Variants in CALHM2 observed in about 807,000 individuals in gnomAD.
The protein encoded by CALHM2 is calcium homeostasis modulator protein 2.
Under a neutral mutation model 20.4 loss-of-function variants are expected in CALHM2, and 18 were observed. The observed-to-expected ratio is 0.88, with a 90% CI of 0.61 to 1.31. The LOEUF (loss-of-function observed/expected upper bound fraction) is 1.31. Ranked by LOEUF, CALHM2 falls within the 50% of genes most tolerant of loss-of-function variation. The pLI, the probability that CALHM2 is intolerant of heterozygous loss-of-function variation, is 0.00. For synonymous variants in CALHM2, 193 were observed against 192.1 expected (o/e 1.00, Z -0.04); for missense variants, 411 against 435.7 (o/e 0.94, Z 0.50).
Position 103,449,530 on chromosome 10 carries a change from G to A in CALHM2, c.412C>T (p.Pro138Ser), listed in dbSNP as rs778010405. ...YVCALSEFVD[P>S]SSLTAREEHF... ...TCTTCCCTGGCCGTGAGTGAGGAAGGGTCCACGAACTCACTGAGAGCACAG... is the reference window on the plus strand; with the variant it reads ...TCTTCCCTGGCCGTGAGTGAGGAAGAGTCCACGAACTCACTGAGAGCACAG... The change falls in exon 3 of 4, where the codon CCT becomes TCT. Residue 138 changes from proline to serine, a missense_variant. Coordinates refer to ENST00000260743, the MANE Select transcript of CALHM2 (RefSeq NM_015916.5). 2 of 1,613,676 alleles carry A rather than the reference G, an allele frequency of 1.2e-6. No individual in the cohort carries two copies. The highest frequency in any genetic ancestry group is 1.7e-6 in the Non-Finnish European group (2 of 1,180,022).
Position 103,451,152 on chromosome 10 carries a change from G to A in CALHM2, c.-228C>T. On this transcript the variant is annotated 5_prime_UTR_variant, in exon 2 of 4. Transcript: ENST00000260743. ...GCAGCCGTGACCCCTCTCCTATCCA[G>A]CAGCCTCCCAGCAGCTCCGCTCCAC... The A allele has an allele frequency of 6.6e-6, 1 of 152,626 alleles. No homozygotes were observed. Among genetic ancestry groups the A allele is most frequent in the Non-Finnish European group, 1.5e-5 (1 of 68,296 alleles). The allele number at this position is 152,626 out of a possible 1,614,324, so 9.5% of individuals were successfully genotyped here. A position where few individuals can be genotyped will look rare whatever the true frequency, so the allele number is the denominator to read the frequency against.
At chr10:103,449,145 A>T in intron 3 of CALHM2, 1 of 520,694 alleles carries the variant, frequency 1.9e-6, no homozygotes, top group Non-Finnish European at 3.5e-6. Flanking sequence ...TTTAAAACTA[A>T]TTTGGTCATA....
chr10:103,447,548 G>A lies in CALHM2; in HGVS notation c.576C>T (p.Ile192=), dbSNP rs1485813514. 21 of 1,597,286 alleles carry A rather than the reference G, an allele frequency of 1.3e-5. No homozygotes were observed. In the East Asian group the frequency reaches 1.6e-4, roughly 12 times the overall value. The part of the protein sequence containing the change: ...YESQLFGWLL[I]GVVAILVFLT... ...GGAACACCAGGATGGCCACCACGCC[G>A]ATGAGCAGCCATCCAAAGAGCTGGC... The change falls in exon 4 of 4, where the codon ATC becomes ATT. Residue 192 remains isoleucine (I), a synonymous_variant. Coordinates refer to ENST00000260743, the MANE Select transcript of CALHM2 (RefSeq NM_015916.5).
chr10:103,447,155 G>A lies in CALHM2; in HGVS notation c.969C>T (p.Ser323=). The part of the protein sequence containing the change: ...PDNVEMALLP[S] ...AAAGAGCATGGGAAGCACCTCCTTA[G>A]GAGGGGAGCAGGGCCATCTCCACGT... The change falls in exon 4 of 4, where the codon TCC becomes TCT. Residue 323 remains serine (S), a synonymous_variant. Coordinates refer to ENST00000260743, the MANE Select transcript of CALHM2 (RefSeq NM_015916.5). 1 of 1,601,286 alleles carries A rather than the reference G, an allele frequency of 6.2e-7. No individual in the cohort carries two copies. The highest frequency in any genetic ancestry group is 8.5e-7 in the Non-Finnish European group (1 of 1,171,898).
rs2032891589 is a variant in CALHM2 at position 103,449,852 on chromosome 10, C to T, written c.90G>A (p.Leu30=). ...ACAGCTCCTGGCTGCCCACCGTGCC[C>T]AGTGCCACCAGGCCGTTGAAAATCA... is the stretch of plus-strand genomic sequence containing the variant. ...DVMIFNGLVA[L]GTVGSQELFS... The change falls in exon 3 of 4, where the codon CTG becomes CTA. Residue 30 remains leucine, a synonymous_variant. Coordinates refer to ENST00000260743, the MANE Select transcript of CALHM2 (RefSeq NM_015916.5). 1 of 1,613,308 alleles carries T rather than the reference C, an allele frequency of 6.2e-7. No individual in the cohort carries two copies.
At chr10:103,450,716 T>G (rs894433960) in intron 2 of CALHM2, 1 of 152,390 alleles carries the variant, frequency 6.6e-6, no homozygotes, top group Non-Finnish European at 1.5e-5. Flanking sequence ...GACCTCAGGG[T>G]CTGATCACAC....
intron 1 of CALHM2, chr10:103,451,706 G>A (rs11191691): frequency 6.6e-6 from 1 of 150,932 alleles, no homozygotes; most frequent in Non-Finnish European, 1.5e-5. Context: ...TCACAGCCTG[G>A]AGCTTCCAGC....
intron 3 of CALHM2, 133 bp downstream of exon 3, chr10:103,449,254 G>A (rs1484805685): frequency 1.3e-6 from 1 of 796,752 alleles, no homozygotes; most frequent in Non-Finnish European, 2.2e-6. Flanking sequence ...AACCAGCCCT[G>A]ATACCTAACG....
Position 103,446,996 on chromosome 10 carries a change from G to T in CALHM2, c.*156C>A. On this transcript the variant is annotated 3_prime_UTR_variant, in exon 4 of 4. Coordinates refer to ENST00000260743, the MANE Select transcript of CALHM2 (RefSeq NM_015916.5). ...TGGCTGGGGCTTCCATTGTCTACTG[G>T]GTCTGTCCACACCCCAGATTGCCTT... 1 of 734,002 alleles carries T rather than the reference G, an allele frequency of 1.4e-6. No homozygotes were observed. The highest frequency in any genetic ancestry group is 2.2e-6 in the Non-Finnish European group (1 of 463,542). 45.5% of individuals were successfully genotyped at this position (734,002 alleles called of 1,614,324 possible).
intron 2 of CALHM2, chr10:103,450,850 C>G (rs953842984): frequency 6.6e-6 from 1 of 152,168 alleles, no homozygotes; most frequent in Non-Finnish European, 1.5e-5. Flanking sequence ...TGATTGTGCT[C>G]TGCGTGAAAC....
rs753765100 is a variant in CALHM2 at position 103,447,511 on chromosome 10, G to A, written c.613C>T (p.Leu205Phe). 2.9e-5 allele frequency: 47 copies of A among 1,611,476 alleles called. No individual in the cohort carries two copies. The highest frequency in any genetic ancestry group is 3.6e-5 in the Non-Finnish European group (42 of 1,178,328). ...CTGAGTGGTGAGCAGTAATGCTTGA[G>A]GCACTTGGTCAGGAACACCAGGATG... ...VAILVFLTKCLKHYCSPLSYR... is the reference protein window; with the variant it reads ...VAILVFLTKCFKHYCSPLSYR... Residue 205 changes from leucine to phenylalanine, a missense_variant, in exon 4 of 4, where the codon CTC becomes TTC. Leu to Phe is a conservative substitution (Grantham distance 22, BLOSUM62 0). Coordinates refer to ENST00000260743, the MANE Select transcript of CALHM2 (RefSeq NM_015916.5).
rs780758381 is a variant in CALHM2 at position 103,447,388 on chromosome 10, T to G, written c.736A>C (p.Asn246His). Reference protein sequence around the residue: ...EVHSRVLAANNVRRFFGFVAL... With the variant: ...EVHSRVLAANHVRRFFGFVAL... The stretch of plus-strand genomic sequence containing the variant: ...ACAAAGCCAAAGAAGCGGCGCACAT[T>G]GTTGGCAGCGAGCACCCGAGAGTGC... The change falls in exon 4 of 4, where the codon AAT becomes CAT. Residue 246 changes from asparagine (N) to histidine (H), a missense_variant. Asn to His is a moderately conservative substitution (Grantham distance 68, BLOSUM62 1). Transcript: ENST00000260743. The G allele has an allele frequency of 6.2e-7, 1 of 1,614,070 alleles. No homozygotes were observed. The highest frequency in any genetic ancestry group is 8.5e-7 in the Non-Finnish European group (1 of 1,179,904).
chr10:103,448,409 A>G lies in CALHM2; in HGVS notation c.556-841T>C, dbSNP rs1335904138. ...TGATCCACCCGCCTTGGCCTCCCAA[A>G]GTGCTGAGATTACAGGTGTGAGCCA... is the stretch of plus-strand genomic sequence containing the variant. On this transcript the variant is annotated intron_variant, in intron 3 of 3. Coordinates refer to ENST00000260743, the MANE Select transcript of CALHM2 (RefSeq NM_015916.5). 4.0e-5 allele frequency among the ~76,000 whole-genome samples: 6 copies of G among 151,690 alleles called. No individual in the cohort carries two copies. The East Asian group carries it at 7.8e-4, about 20-fold the overall frequency.
At position 103,447,444 on chromosome 10, in the gene CALHM2, T is replaced by TCCC; in HGVS notation, c.679_680insGGG (p.Asn226_Glu227insGly). ...GGCCGTGCGCTGGAACAGCTGGTCC[T>TCCC]CATTGGCGCGGTACTGCGCCCAGTA... On this transcript the variant is annotated inframe_insertion, in exon 4 of 4. Transcript: ENST00000260743. 6.2e-7 allele frequency: 1 copy of TCCC among 1,614,190 alleles called. No homozygotes were observed. The highest frequency in any genetic ancestry group is 8.5e-7 in the Non-Finnish European group (1 of 1,180,024).
chr10:103,449,841 C>T lies in CALHM2; in HGVS notation c.101G>A (p.Gly34Asp), dbSNP rs752227674. ...CACCACAGAGAACAGCTCCTGGCTG[C>T]CCACCGTGCCCAGTGCCACCAGGCC... ...FNGLVALGTV[G>D]SQELFSVVAF... The change falls in exon 3 of 4, where the codon GGC becomes GAC. Residue 34 changes from glycine (G) to aspartate (D), a missense_variant. By Grantham distance (94) the Gly-to-Asp change is moderately conservative. Transcript: ENST00000260743. 32 of 1,613,170 alleles carry T rather than the reference C, an allele frequency of 2.0e-5. No homozygotes were observed. The highest frequency in any genetic ancestry group is 2.4e-5 in the Non-Finnish European group (28 of 1,180,004).
chr10:103,447,346 C>G lies in CALHM2; in HGVS notation c.778G>C (p.Asp260His), dbSNP rs1163206644. The change falls in exon 4 of 4, where the codon GAT becomes CAT. Residue 260 changes from aspartate (D) to histidine (H), a missense_variant. Asp to His is a moderately conservative substitution (Grantham distance 81). Coordinates refer to ENST00000260743, the MANE Select transcript of CALHM2 (RefSeq NM_015916.5). ...GGGAAGTTGGCAATCAGTTCCTCAT[C>G]ATCCTTGTTGAGCGCCACAAAGCCA... Reference protein sequence around the residue: ...FFGFVALNKDDEELIANFPVE... With the variant: ...FFGFVALNKDHEELIANFPVE... 2 of 1,614,150 alleles carry G rather than the reference C, an allele frequency of 1.2e-6. No homozygotes were observed. Among genetic ancestry groups the G allele is most frequent in the Non-Finnish European group, 1.7e-6 (2 of 1,180,056 alleles).
rs774265419 is a variant in CALHM2 at position 103,449,888 on chromosome 10, G to T, written c.54C>A (p.Ser18Arg). Residue 18 changes from serine to arginine, a missense_variant, in exon 3 of 4, where the codon AGC becomes AGA. By Grantham distance (110) the Ser-to-Arg change is moderately radical (BLOSUM62 -1). Transcript: ENST00000260743. ...GGCCGTTGAAAATCATCACATCCTTGCTCTTGAAGAAAAGTGACAGGAAGC... is the reference window on the plus strand; with the variant it reads ...GGCCGTTGAAAATCATCACATCCTTTCTCTTGAAGAAAAGTGACAGGAAGC... Reference protein sequence around the residue: ...NFRFLSLFFKSKDVMIFNGLV... With the variant: ...NFRFLSLFFKRKDVMIFNGLV... 3 of 1,612,870 alleles carry T rather than the reference G, an allele frequency of 1.9e-6. No homozygotes were observed. In the East Asian group the frequency reaches 6.7e-5, roughly 36 times the overall value.
At chr10:103,448,546 C>T (rs2032786192) in intron 3 of CALHM2, among the ~76,000 whole-genome samples, 1 of 151,526 alleles carries the variant, frequency 6.6e-6, no homozygotes, top group Non-Finnish European at 1.5e-5. Context: ...ATGGCGAAAC[C>T]CCATCTCTAC....
intron 1 of CALHM2, 50 bp downstream of exon 1, chr10:103,452,106 A>G (rs1182684230): frequency 6.6e-6 from 1 of 152,366 alleles, no homozygotes; most frequent in Non-Finnish European, 1.5e-5. Flanking sequence ...GACAGGCCCC[A>G]CCATGCTCCG....
Sources: gnomAD v4.1 joint callset for allele counts (sites outside exome capture counted in the v4.1 genomes callset) on GRCh38, gnomAD v4.1.1 for gene constraint, MANE v1.5 for transcripts, NCBI Gene and HGNC (gene_info 2026-07-23, HGNC 2026-07-21) for gene names.